Variants in PDE8B observed in about 807,000 individuals in gnomAD.
PDE8B encodes the protein phosphodiesterase 8B.
PDE8B carries 26 observed loss-of-function variants against 101.3 expected under a neutral mutation model. The ratio of observed to expected loss-of-function variants is 0.26; its 90% CI spans 0.19 to 0.36. The LOEUF is 0.36. Among genes scored for constraint, PDE8B ranks in the 10% least tolerant of loss-of-function variants. The pLI, the probability that PDE8B is intolerant of heterozygous loss-of-function variation, is 1.00. For synonymous variants in PDE8B, 424 were observed against 429.3 expected (o/e 0.99, Z 0.15); for missense variants, 810 against 1,163.1 (o/e 0.70, Z 4.42).
chr5:77,192,341 C>G, the PDE8B span, among the ~76,000 whole-genome samples: 1 of 152,178 alleles, frequency 6.6e-6, no homozygotes, highest in African/African-American at 2.4e-5. Context: ...CCAACCCCCA[C>G]CAGAGACCCC....
At chr5:77,230,241 C>T (rs1192069027) in intron 1 of PDE8B, among the ~76,000 whole-genome samples, 1 of 152,136 alleles carries the variant, frequency 6.6e-6, no homozygotes, top group African/African-American at 2.4e-5. Context: ...TCAACATGAA[C>T]TTGGGTTTCA....
chr5:77,258,073 G>A (rs1759566524), intron 1 of PDE8B, among the ~76,000 whole-genome samples: 1 of 151,966 alleles, frequency 6.6e-6, no homozygotes, highest in Admixed American at 6.5e-5. Context: ...CAGATCACCT[G>A]AGGTCAGGAG....
chr5:77,275,699 G>A (rs1337258518), intron 1 of PDE8B, among the ~76,000 whole-genome samples: 2 of 152,220 alleles, frequency 1.3e-5, no homozygotes. Flanking sequence ...AGTAAAAGTC[G>A]AATTTGACAA....
At chr5:77,379,704 G>A (rs908795040) in intron 10 of PDE8B, among the ~76,000 whole-genome samples, 8 of 152,072 alleles carry the variant, frequency 5.3e-5, no homozygotes, top group East Asian at 1.9e-4. Context: ...GCTTGGGTGC[G>A]GATTTTGAGA....
At chr5:77,391,019 A>T (rs547255274) in intron 10 of PDE8B, among the ~76,000 whole-genome samples, 4 of 152,370 alleles carry the variant, frequency 2.6e-5, no homozygotes, top group African/African-American at 7.2e-5. Context: ...GCTGTGGAGC[A>T]AAGTTCATCC....
intron 10 of PDE8B, among the ~76,000 whole-genome samples, chr5:77,398,318 C>CTT (rs70988672): frequency 1.1e-4 from 13 of 115,992 alleles, no homozygotes; most frequent in Admixed American, 3.8e-4. Flanking sequence ...AGCTGTTTTA[C>CTT]TTTTTTTTTT....
intron 2 of PDE8B, among the ~76,000 whole-genome samples, chr5:77,319,350 C>T (rs1371551152): frequency 1.3e-5 from 2 of 152,192 alleles, no homozygotes; most frequent in Admixed American, 1.3e-4. Context: ...TTTTTTTAGC[C>T]AAAGACTGGT....
chr5:77,217,230 C>T (rs141287836), intron 1 of PDE8B, among the ~76,000 whole-genome samples: 254 of 152,120 alleles, frequency 1.7e-3, no homozygotes, highest in Non-Finnish European at 2.9e-3. Context: ...ACTCAAAGCC[C>T]AAGGGTGGAA....
At chr5:77,408,267 G>A (rs2151067312) in intron 13 of PDE8B, among the ~76,000 whole-genome samples, 1 of 152,316 alleles carries the variant, frequency 6.6e-6, no homozygotes, top group East Asian at 1.9e-4. Context: ...GCCCTCCCAG[G>A]TTTTTGGTGT....
the PDE8B span, chr5:77,105,976 T>G: frequency 2.6e-5 from 4 of 152,222 alleles, no homozygotes; most frequent in Admixed American, 2.6e-4. Flanking sequence ...TATACCTCCT[T>G]TAGCAAAGGG....
the PDE8B span, among the ~76,000 whole-genome samples, chr5:77,149,279 G>A: frequency 6.6e-6 from 1 of 152,162 alleles, no homozygotes; most frequent in Non-Finnish European, 1.5e-5. Context: ...TGGCTTTGTA[G>A]TAAATTTTGA....
At position 77,322,213 on chromosome 5, in the gene PDE8B, G is replaced by T. The variant is rs1775226686; in HGVS notation, c.400-3326G>T. On this transcript the variant is annotated intron_variant, in intron 2 of 21. Transcript: ENST00000264917. ...AGTGTAAGAGCCAAAGGTGGTGGTG[G>T]TTGGGGAATGGGCTCTGGATTGGTT... Among the ~76,000 whole-genome samples, 4 of 152,144 alleles carry T rather than the reference G, an allele frequency of 2.6e-5. No individual in the cohort carries two copies. The South Asian group carries it at 8.3e-4, about 32-fold the overall frequency.
intron 13 of PDE8B, among the ~76,000 whole-genome samples, chr5:77,407,867 C>T (rs77361960): frequency 0.013 from 1,921 of 152,142 alleles, 49 homozygotes; most frequent in African/African-American, 0.044. Context: ...TCGGAGTGGC[C>T]GGAGCTTGGT....
intron 1 of PDE8B, among the ~76,000 whole-genome samples, chr5:77,214,286 C>T (rs1198686811): frequency 1.3e-5 from 2 of 152,186 alleles, no homozygotes; most frequent in Non-Finnish European, 2.9e-5. Context: ...TTGACAATAT[C>T]GTCAACTTGC....
chr5:77,311,998 T>A lies in PDE8B; in HGVS notation c.344T>A (p.Val115Glu). Residue 115 changes from valine (V) to glutamate (E), a missense_variant, in exon 2 of 22, where the codon GTG becomes GAG. By Grantham distance (121) the Val-to-Glu change is moderately radical. This residue lies in a region of PDE8B where 251 missense variants were observed against 378.8 expected (regional missense o/e 0.66). Transcript: ENST00000264917. ...CTTGTGCTGTCCTTTATTTAGCAGGTGTCTTCTGCGGAGGTGCGCATCGGG... is the reference window on the plus strand; with the variant it reads ...CTTGTGCTGTCCTTTATTTAGCAGGAGTCTTCTGCGGAGGTGCGCATCGGG... ...TQTCYTSVKQ[V>E]SSAEVRIGPM... The A allele has an allele frequency of 9.9e-6, 16 of 1,613,336 alleles. No individual in the cohort carries two copies. Among genetic ancestry groups the A allele is most frequent in the Non-Finnish European group, 1.4e-5 (16 of 1,179,246 alleles).
At chr5:77,391,237 A>AG (rs1789840623) in intron 10 of PDE8B, among the ~76,000 whole-genome samples, 1 of 152,228 alleles carries the variant, frequency 6.6e-6, no homozygotes, top group East Asian at 1.9e-4. Context: ...GGTATCTGGA[A>AG]GAGGTACGTG....
the PDE8B span, among the ~76,000 whole-genome samples, chr5:77,134,975 C>T: frequency 4.6e-5 from 7 of 152,144 alleles, no homozygotes; most frequent in South Asian, 6.2e-4. Context: ...TTAAGATAGT[C>T]GGCCATGGAA....
At chr5:77,421,796 C>T (rs765065167) in intron 19 of PDE8B, 25 bp from the exon 20 acceptor site, 13 of 1,612,392 alleles carry the variant, frequency 8.1e-6, no homozygotes, top group Non-Finnish European at 1.0e-5. Flanking sequence ...TTGAACCAAG[C>T]CTGATCTGAC....
chr5:77,129,331 A>G, the PDE8B span, among the ~76,000 whole-genome samples: 14 of 152,190 alleles, frequency 9.2e-5, no homozygotes, highest in African/African-American at 3.1e-4. Flanking sequence ...TAAAATAATA[A>G]ATCCCCGTGT....
Sources: allele counts gnomAD v4.1 joint callset (sites outside exome capture counted in the v4.1 genomes callset), GRCh38; gene constraint gnomAD v4.1.1; regional missense constraint gnomAD v4.1.1; transcripts MANE v1.5; gene names NCBI Gene and HGNC (gene_info 2026-07-23, HGNC 2026-07-21).